The following PTPRM variants were observed in gnomAD, a reference collection of about 807,000 sequenced individuals.
The protein encoded by PTPRM is receptor-type tyrosine-protein phosphatase mu.
PTPRM carries 47 observed loss-of-function variants against 186.7 expected under a neutral mutation model. That is an observed-to-expected ratio of 0.25 (90% CI 0.20 to 0.32). PTPRM has a LOEUF of 0.32. PTPRM is among the 10% of genes least tolerant of loss of function. The pLI is 1.00. For missense variants in PTPRM, 1,494 were observed against 1,865.0 expected (o/e 0.80, Z 3.66); for synonymous variants, 668 against 674.9 (o/e 0.99, Z 0.16).
chr18:8,397,115 C>T (rs1370726811), intron 32 of PTPRM, among the ~76,000 whole-genome samples: 1 of 152,220 alleles, frequency 6.6e-6, no homozygotes, highest in Non-Finnish European at 1.5e-5. Flanking sequence ...CAGAGGATGA[C>T]GAGCATGTGC....
chr18:8,103,680 G>T (rs2091392438), intron 11 of PTPRM, among the ~76,000 whole-genome samples: 1 of 152,180 alleles, frequency 6.6e-6, no homozygotes, highest in Admixed American at 6.5e-5. Flanking sequence ...CTCCATATCA[G>T]CAATAAAGCC....
At chr18:8,075,642 C>T (rs901306385) in intron 8 of PTPRM, among the ~76,000 whole-genome samples, 4 of 151,854 alleles carry the variant, frequency 2.6e-5, no homozygotes, top group African/African-American at 7.3e-5. Flanking sequence ...TTTTTGCAAA[C>T]TTATAAGAAG....
chr18:8,029,232 C>A (rs865954848), intron 7 of PTPRM, among the ~76,000 whole-genome samples: 2 of 151,422 alleles, frequency 1.3e-5, no homozygotes, highest in Non-Finnish European at 3.0e-5. Flanking sequence ...GCCCCTCCCC[C>A]ACCTGTCCTG....
intron 1 of PTPRM, among the ~76,000 whole-genome samples, chr18:7,663,628 C>G (rs2039027419): frequency 1.3e-5 from 2 of 152,316 alleles, no homozygotes; most frequent in South Asian, 4.1e-4. Context: ...CAGCCGAATG[C>G]TGGAGCAGGG....
chr18:8,246,654 T>C (rs2094479431), intron 15 of PTPRM, among the ~76,000 whole-genome samples: 1 of 152,188 alleles, frequency 6.6e-6, no homozygotes, highest in Admixed American at 6.5e-5. Context: ...TCATTCTTAT[T>C]TTCATCCATT....
chr18:8,111,048 C>T (rs1178165420), intron 11 of PTPRM, among the ~76,000 whole-genome samples: 1 of 152,212 alleles, frequency 6.6e-6, no homozygotes, highest in Admixed American at 6.5e-5. Flanking sequence ...TCTGCCACTT[C>T]TGTAGAATAC....
In PTPRM at chr18:7,846,004, T is replaced by G. The variant is rs546557547; in HGVS notation, c.197-42102T>G. Among the ~76,000 whole-genome samples, 69 of 152,324 alleles carry G rather than the reference T, an allele frequency of 4.5e-4. No homozygotes were observed. In the South Asian group the frequency reaches 0.014, roughly 30 times the overall value. On this transcript the variant is annotated intron_variant, in intron 2 of 32. Coordinates refer to ENST00000580170, the MANE Select transcript of PTPRM (RefSeq NM_001105244.2). ...CTTGGCTGTTCTTTCAGAGTTGTCC[T>G]GAGTCAGGGCAAGGAGATTGAGTCT...
At chr18:7,883,225 G>A (rs2048596123) in intron 2 of PTPRM, among the ~76,000 whole-genome samples, 1 of 152,290 alleles carries the variant, frequency 6.6e-6, no homozygotes, top group East Asian at 1.9e-4. Flanking sequence ...GAGCTGGAAT[G>A]CTTTTTGTAG....
chr18:7,962,868 T>G (rs2053773464), intron 7 of PTPRM, among the ~76,000 whole-genome samples: 1 of 152,252 alleles, frequency 6.6e-6, no homozygotes, highest in Non-Finnish European at 1.5e-5. Flanking sequence ...TATCTGGACT[T>G]ACAGGGCTGA....
intron 11 of PTPRM, among the ~76,000 whole-genome samples, chr18:8,108,400 A>G (rs143113393): frequency 4.6e-5 from 7 of 152,258 alleles, no homozygotes; most frequent in Non-Finnish European, 1.0e-4. Context: ...CCTACCTTCT[A>G]TTATCCAATT....
chr18:8,137,020 A>G (rs2092653666), intron 13 of PTPRM, among the ~76,000 whole-genome samples: 1 of 152,248 alleles, frequency 6.6e-6, no homozygotes, highest in Non-Finnish European at 1.5e-5. Flanking sequence ...ACTGAATTTA[A>G]ATTTTAGATT....
intron 7 of PTPRM, among the ~76,000 whole-genome samples, chr18:7,966,615 G>A (rs868525022): frequency 1.1e-4 from 17 of 148,286 alleles, no homozygotes; most frequent in African/African-American, 2.5e-4. Flanking sequence ...TGCGCGAGCC[G>A]AAGCAGGGCG....
In PTPRM at chr18:8,070,148, T is replaced by C. The variant is rs1329435389; in HGVS notation, c.1441+154T>C. On this transcript the variant is annotated intron_variant, in intron 8 of 32. Coordinates refer to ENST00000580170, the MANE Select transcript of PTPRM (RefSeq NM_001105244.2). Reference sequence around the variant, plus strand: ...TGTACTCTGTATTCTTAAGCGCTGATTGAAAGAGGGAAAAGGGAGTAGAGA... The same window carrying C: ...TGTACTCTGTATTCTTAAGCGCTGACTGAAAGAGGGAAAAGGGAGTAGAGA... Among the ~76,000 whole-genome samples, 3 of 152,342 alleles carry C rather than the reference T, an allele frequency of 2.0e-5. No homozygotes were observed. The East Asian group carries it at 5.8e-4, about 29-fold the overall frequency.
intron 21 of PTPRM, among the ~76,000 whole-genome samples, chr18:8,317,806 G>A (rs2095320131): frequency 6.6e-6 from 1 of 152,168 alleles, no homozygotes; most frequent in African/African-American, 2.4e-5. Context: ...TGGACTCTCT[G>A]GGTGACTTCA....
At chr18:8,165,180 A>AG (rs1228517241) in intron 14 of PTPRM, among the ~76,000 whole-genome samples, 3 of 151,938 alleles carry the variant, frequency 2.0e-5, no homozygotes, top group Admixed American at 1.3e-4. Flanking sequence ...AAAAAAAAAA[A>AG]AAAGAAAGAA....
chr18:8,032,799 TGA>T (rs1230426894), intron 7 of PTPRM, among the ~76,000 whole-genome samples: 1 of 152,104 alleles, frequency 6.6e-6, no homozygotes, highest in Non-Finnish European at 1.5e-5. Context: ...TAACCAGAAA[TGA>T]GTTATTTACT....
intron 7 of PTPRM, among the ~76,000 whole-genome samples, chr18:7,983,887 T>G (rs1454275760): frequency 6.6e-6 from 1 of 152,134 alleles, no homozygotes; most frequent in Admixed American, 6.5e-5. Flanking sequence ...AAAACCCCAC[T>G]TCCACTCAAT....
intron 20 of PTPRM, among the ~76,000 whole-genome samples, chr18:8,301,594 A>G (rs2095158538): frequency 6.6e-6 from 1 of 152,236 alleles, no homozygotes; most frequent in Admixed American, 6.5e-5. Context: ...GCCATGTGCC[A>G]GGCACTGTGC....
rs543660771 is a variant in PTPRM, at chr18:8,322,255, A to G, written c.2956+3041A>G. ...CAGAGGACATATTATAAATTTAAGT[A>G]TTGGGTCTCCTCCTCCCATCCACCC... On this transcript the variant is annotated intron_variant, in intron 22 of 32. Coordinates refer to ENST00000580170, the MANE Select transcript of PTPRM (RefSeq NM_001105244.2). 3.5e-4 allele frequency among the ~76,000 whole-genome samples: 54 copies of G among 152,306 alleles called. 1 individual carries two copies. In the South Asian group the frequency reaches 8.5e-3, roughly 24 times the overall value.
Sources: gnomAD v4.1 joint callset for allele counts (sites outside exome capture counted in the v4.1 genomes callset) on GRCh38, gnomAD v4.1.1 for gene constraint, MANE v1.5 for transcripts, NCBI Gene and HGNC (gene_info 2026-07-23, HGNC 2026-07-21) for gene names.